ANO1: variants seen among roughly 807,000 people sequenced by gnomAD.
ANO1 encodes the protein anoctamin 1.
A neutral mutation model predicts 124.0 loss-of-function variants in ANO1; 59 were observed. That is an observed-to-expected ratio of 0.48 (90% CI 0.39 to 0.59). The LOEUF is 0.59. Among genes scored for constraint, ANO1 ranks in the 20% least tolerant of loss-of-function variants. The pLI, the probability that ANO1 is intolerant of heterozygous loss-of-function variation, is 0.00. For missense variants in ANO1, 1,059 were observed against 1,328.0 expected (o/e 0.80, Z 3.15); for synonymous variants, 529 against 532.0 (o/e 0.99, Z 0.08).
chr11:70,120,043 G>T (rs1015114375), intron 8 of ANO1, among the ~76,000 whole-genome samples: 1 of 152,098 alleles, frequency 6.6e-6, no homozygotes, highest in African/African-American at 2.4e-5. Context: ...TGCCTTTCCG[G>T]TGACAGACTC....
In ANO1 at chr11:70,143,554, G is replaced by C. The variant is rs915034111; in HGVS notation, c.1259-6156G>C. Reference sequence around the variant, plus strand: ...CAGATGCCTGCTGGCAGCCTACGGAGCTTGTTCAGAATGCAGATTCCGGGG... The same window carrying C: ...CAGATGCCTGCTGGCAGCCTACGGACCTTGTTCAGAATGCAGATTCCGGGG... On this transcript the variant is annotated intron_variant, in intron 11 of 25. Coordinates refer to ENST00000355303, the MANE Select transcript of ANO1 (RefSeq NM_018043.7). Among the ~76,000 whole-genome samples the C allele has an allele frequency of 7.9e-5, 12 of 152,168 alleles. No homozygotes were observed. In the East Asian group the frequency reaches 2.1e-3, roughly 27 times the overall value.
chr11:70,130,727 CA>C (rs1448709773), intron 10 of ANO1, among the ~76,000 whole-genome samples: 1 of 152,242 alleles, frequency 6.6e-6, no homozygotes, highest in African/African-American at 2.4e-5. Context: ...CTGTGCTCAG[CA>C]AAGCAGAAGC....
At chr11:70,180,221 A>G (rs1481579796) in intron 23 of ANO1, among the ~76,000 whole-genome samples, 165 bp downstream of exon 23, 1 of 151,814 alleles carries the variant, frequency 6.6e-6, no homozygotes, top group East Asian at 1.9e-4. Context: ...ACCGCATGGC[A>G]TGGGGAGGGT....
intron 1 of ANO1, among the ~76,000 whole-genome samples, chr11:70,062,926 T>G (rs921208707): frequency 1.3e-5 from 2 of 151,804 alleles, no homozygotes; most frequent in East Asian, 1.9e-4. Flanking sequence ...GTTGTTGTTG[T>G]TTGTTGTTGT....
At chr11:70,142,467 AG>A (rs1306288681) in intron 11 of ANO1, among the ~76,000 whole-genome samples, 2 of 152,124 alleles carry the variant, frequency 1.3e-5, no homozygotes, top group African/African-American at 4.8e-5. Flanking sequence ...AGAAGGCTGG[AG>A]GCCTTTGTGT....
intron 1 of ANO1, among the ~76,000 whole-genome samples, chr11:70,062,278 T>C (rs1229395623): frequency 6.6e-6 from 1 of 152,068 alleles, no homozygotes; most frequent in Non-Finnish European, 1.5e-5. Flanking sequence ...GGTTTCGCTA[T>C]GTTGGCCAGG....
chr11:69,971,008 C>T, the ANO1 span, among the ~76,000 whole-genome samples: 2 of 152,226 alleles, frequency 1.3e-5, no homozygotes, highest in African/African-American at 4.8e-5. Flanking sequence ...CTGCAGAGAA[C>T]AGGACATGCA....
At position 70,182,651 on chromosome 11, in the gene ANO1, C is replaced by A. The variant is rs2048972795; in HGVS notation, c.2553C>A (p.Asp851Glu). The A allele has an allele frequency of 2.5e-6, 4 of 1,609,160 alleles. No homozygotes were observed. The highest frequency in any genetic ancestry group is 4.5e-5 in the East Asian group (2 of 44,752). The change falls in exon 24 of 26, where the codon GAC becomes GAA. Residue 851 changes from aspartate (D) to glutamate (E), a missense_variant. Asp to Glu is a conservative substitution (Grantham distance 45). This residue lies in a region of ANO1 where 809 missense variants were observed against 1,094.9 expected (regional missense o/e 0.74). Coordinates refer to ENST00000355303, the MANE Select transcript of ANO1 (RefSeq NM_018043.7). ...SDFQNGTAPN[D>E]PLDLGYEVQI... ...TCCAGAACGGCACGGCCCCCAATGA[C>A]CCCCTGGACCTGGGCTACGAGGTGC...
intron 11 of ANO1, among the ~76,000 whole-genome samples, chr11:70,142,372 G>A (rs1029244106): frequency 1.3e-5 from 2 of 152,154 alleles, no homozygotes; most frequent in African/African-American, 2.4e-5. Flanking sequence ...AGGTGGGGAC[G>A]AAGGGGATGC....
intron 12 of ANO1, among the ~76,000 whole-genome samples, chr11:70,151,340 A>G (rs533652308): frequency 6.6e-6 from 1 of 152,222 alleles, no homozygotes; most frequent in South Asian, 2.1e-4. Context: ...GATCAATGCA[A>G]CCTGTCCACA....
At chr11:70,084,780 C>G (rs976207818) in intron 1 of ANO1, among the ~76,000 whole-genome samples, 5 of 152,198 alleles carry the variant, frequency 3.3e-5, no homozygotes, top group African/African-American at 1.2e-4. Context: ...CTGCCCCAGG[C>G]TGGGACAGAA....
intron 16 of ANO1, among the ~76,000 whole-genome samples, 197 bp from the exon 17 acceptor site, chr11:70,160,964 C>G (rs1301119087): frequency 6.6e-6 from 1 of 152,226 alleles, no homozygotes; most frequent in African/African-American, 2.4e-5. Context: ...GAAACTAGCC[C>G]CTCATCCATC....
At chr11:70,112,220 T>C (rs1324767264) in intron 7 of ANO1, among the ~76,000 whole-genome samples, 2 of 152,180 alleles carry the variant, frequency 1.3e-5, no homozygotes, top group Admixed American at 1.3e-4. Flanking sequence ...AGTGGCTGAC[T>C]TGGGGTGGAG....
At chr11:70,008,488 G>A (rs967992532) in intron 1 of ANO1, among the ~76,000 whole-genome samples, 1 of 152,142 alleles carries the variant, frequency 6.6e-6, no homozygotes, top group Non-Finnish European at 1.5e-5. Flanking sequence ...GCGACCTTTG[G>A]CAAAGAGATT....
At chr11:69,976,060 C>T in the ANO1 span, among the ~76,000 whole-genome samples, 1 of 152,156 alleles carries the variant, frequency 6.6e-6, no homozygotes, top group African/African-American at 2.4e-5. Flanking sequence ...TGCTGGTTGC[C>T]CTTCACCTGG....
At chr11:70,036,899 G>T (rs986151352) in intron 1 of ANO1, among the ~76,000 whole-genome samples, 67 of 152,216 alleles carry the variant, frequency 4.4e-4, no homozygotes, top group African/African-American at 1.6e-3. Flanking sequence ...GAGCCACCGT[G>T]CCTAGCCTGT....
intron 1 of ANO1, among the ~76,000 whole-genome samples, chr11:70,034,513 C>G (rs1424746541): frequency 6.6e-6 from 1 of 152,144 alleles, no homozygotes; most frequent in African/African-American, 2.4e-5. Flanking sequence ...ATGTAAAAAA[C>G]CAACAAAAAT....
At chr11:69,994,725 C>T (rs186666267) in intron 1 of ANO1, among the ~76,000 whole-genome samples, 1 of 152,162 alleles carries the variant, frequency 6.6e-6, no homozygotes, top group South Asian at 2.1e-4. Context: ...CTGCTTCCAT[C>T]AGCTTGCATG....
intron 2 of ANO1, among the ~76,000 whole-genome samples, chr11:70,100,053 C>A (rs764317335): frequency 1.2e-4 from 18 of 152,152 alleles, no homozygotes; most frequent in Non-Finnish European, 2.4e-4. Flanking sequence ...GGCTCCCCTA[C>A]AAGGGTCCCC....
Sources: allele counts gnomAD v4.1 joint callset (sites outside exome capture counted in the v4.1 genomes callset), GRCh38; gene constraint gnomAD v4.1.1; regional missense constraint gnomAD v4.1.1; transcripts MANE v1.5; gene names NCBI Gene and HGNC (gene_info 2026-07-23, HGNC 2026-07-21).